Variants in RAPGEF3 observed in about 807,000 individuals in gnomAD.
RAPGEF3 encodes the protein 9330170P05Rik.
Under a neutral mutation model 129.8 loss-of-function variants are expected in RAPGEF3, and 103 were observed. The ratio of observed to expected loss-of-function variants is 0.79; its 90% CI spans 0.68 to 0.93. The LOEUF (loss-of-function observed/expected upper bound fraction) is 0.93, where lower values mean the gene tolerates loss of function less well. Ranked by LOEUF, RAPGEF3 falls within the 40% of genes least tolerant of loss-of-function variation. The pLI, the probability that RAPGEF3 is intolerant of heterozygous loss-of-function variation, is 0.00. For synonymous variants in RAPGEF3, 436 were observed against 482.6 expected, an observed-to-expected ratio of 0.90 and a Z score of 1.26; for missense variants, 1,117 against 1,207.4, an observed-to-expected ratio of 0.93 and a Z score of 1.11.
rs759509000 is a variant in RAPGEF3 at position 47,740,099 on chromosome 12, C to G, written c.2373+42G>C. On this transcript the variant is annotated intron_variant, in intron 23 of 27. Coordinates refer to ENST00000449771, the MANE Select transcript of RAPGEF3 (RefSeq NM_001098531.4). ...GTCTGGAGGGCAGGGCCGAGCCCAG[C>G]TGATCCTAGCAGAGCCAGGCCGGGC... 4 of 1,596,962 alleles carry G rather than the reference C, an allele frequency of 2.5e-6. No homozygotes were observed. The East Asian group carries it at 6.7e-5, about 27-fold the overall frequency.
chr12:47,740,293 G>A lies in RAPGEF3; in HGVS notation c.2322+12C>T, dbSNP rs1422704661. On this transcript the variant is annotated intron_variant, in intron 22 of 27. Transcript: ENST00000449771. ...CCTGACCTCAGGAGGGGGCCCTCCA[G>A]ACCACACTTACCTCCCAGGTGTGGG... The A allele has an allele frequency of 4.3e-6, 7 of 1,613,838 alleles. No individual in the cohort carries two copies. Among genetic ancestry groups the A allele is most frequent in the Non-Finnish European group, 5.1e-6 (6 of 1,179,878 alleles).
In RAPGEF3 at chr12:47,747,800, C is replaced by T. The variant is rs749232919; in HGVS notation, c.1385G>A (p.Arg462Lys). 6 of 1,607,680 alleles carry T rather than the reference C, an allele frequency of 3.7e-6. No homozygotes were observed. Among genetic ancestry groups the T allele is most frequent in the Middle Eastern group, 1.7e-4 (1 of 6,052 alleles). Residue 462 changes from arginine to lysine, a missense_variant, in exon 14 of 28, where the codon AGG becomes AAG. Around this residue, in one of 3 missense-constraint regions of RAPGEF3, gnomAD observed 643 missense variants for 673.4 expected, o/e 0.95. Coordinates refer to ENST00000449771, the MANE Select transcript of RAPGEF3 (RefSeq NM_001098531.4). The part of the protein sequence containing the change: ...QERSTYVCNK[R>K]QQILRLVSQW... The stretch of plus-strand genomic sequence containing the variant: ...GCTGACCAGCCGCAAGATCTGCTGC[C>T]TCTTGTTGCAGACGTAGGTGCTGCG...
intron 25 of RAPGEF3, 124 bp downstream of exon 25, chr12:47,738,564 AGT>A (rs1940940934): frequency 1.1e-6 from 1 of 899,920 alleles, no homozygotes; most frequent in African/African-American, 1.6e-5. Flanking sequence ...GCTATTACAC[AGT>A]AAGTATTCAT....
chr12:47,746,796 G>T, intron 16 of RAPGEF3, 64 bp downstream of exon 16: 1 of 1,491,928 alleles, frequency 6.7e-7, no homozygotes, highest in East Asian at 2.3e-5. Flanking sequence ...TCAGGGTCAG[G>T]GGGCGAAGGA....
chr12:47,742,926 T>G (rs1941241001), intron 18 of RAPGEF3, among the ~76,000 whole-genome samples: 1 of 152,216 alleles, frequency 6.6e-6, no homozygotes. Flanking sequence ...TCCTCAAAAA[T>G]GTTTGCTGAG....
chr12:47,750,492 C>T, intron 6 of RAPGEF3, 67 bp from the exon 7 acceptor site: 3 of 1,422,686 alleles, frequency 2.1e-6, no homozygotes, highest in Non-Finnish European at 2.9e-6. Flanking sequence ...GGAGCCACTC[C>T]ACCCACCCAG....
chr12:47,749,300 T>C lies in RAPGEF3; in HGVS notation c.1041+90A>G. The C allele has an allele frequency of 9.0e-7, 1 of 1,111,578 alleles. No individual in the cohort carries two copies. Among genetic ancestry groups the C allele is most frequent in the Non-Finnish European group, 1.3e-6 (1 of 774,886 alleles). The allele number at this position is 1,111,578 out of a possible 1,614,324, so 68.9% of individuals were successfully genotyped here. A position where few individuals can be genotyped will look rare whatever the true frequency, so the allele number is the denominator to read the frequency against. Reference sequence around the variant, plus strand: ...AGCATCTCTTACCTGCCCTGCTTCTTACAGGCCCTCTGCTCTGGTCCCTAC... The same window carrying C: ...AGCATCTCTTACCTGCCCTGCTTCTCACAGGCCCTCTGCTCTGGTCCCTAC... On this transcript the variant is annotated intron_variant, in intron 10 of 27. Transcript: ENST00000449771. This position sits in a 1 kb window ranked among gnomAD's most constrained non-coding sequence, Gnocchi z 4.5.
Position 47,749,168 on chromosome 12 carries a change from C to T in RAPGEF3, c.1041+222G>A. 1.5e-6 allele frequency: 1 copy of T among 657,790 alleles called. No homozygotes were observed. The highest frequency in any genetic ancestry group is 2.6e-5 in the Admixed American group (1 of 38,944). 40.7% of individuals were successfully genotyped at this position (657,790 alleles called of 1,614,324 possible). ...TGCCCATCCTTCCCCTGGTCTCCCACACTGAGCCTGAAGTCACTGGTCTCA... is the reference window on the plus strand; with the variant it reads ...TGCCCATCCTTCCCCTGGTCTCCCATACTGAGCCTGAAGTCACTGGTCTCA... On this transcript the variant is annotated intron_variant, in intron 10 of 27. Transcript: ENST00000449771. The surrounding 1 kb of genome is among the most constrained non-coding windows in gnomAD (Gnocchi z 4.5).
intron 18 of RAPGEF3, among the ~76,000 whole-genome samples, chr12:47,742,526 C>T (rs1377628850): frequency 1.3e-5 from 2 of 152,184 alleles, no homozygotes; most frequent in Non-Finnish European, 2.9e-5. Flanking sequence ...CTTGTCTGCC[C>T]TGGGTTCCAG....
chr12:47,748,943 G>C lies in RAPGEF3; in HGVS notation c.1042-12C>G. On this transcript the variant is annotated splice_polypyrimidine_tract_variant and intron_variant, in intron 10 of 27. Transcript: ENST00000449771. ...TTTGCCTCCACATCCTGGAGAACAG[G>C]CCACATCCCATGCTCAACTCATGAT... 1 of 1,591,444 alleles carries C rather than the reference G, an allele frequency of 6.3e-7. No homozygotes were observed. The highest frequency in any genetic ancestry group is 1.3e-5 in the African/African-American group (1 of 74,488).
intron 23 of RAPGEF3, 112 bp from the exon 24 acceptor site, chr12:47,739,342 C>A (rs908021947): frequency 2.4e-5 from 20 of 831,146 alleles, no homozygotes; most frequent in Admixed American, 2.0e-4. Context: ...GAGGCCCCAA[C>A]TCAGCCTCTC....
In RAPGEF3 at chr12:47,751,032, A is replaced by C. The variant is rs1941708875; in HGVS notation, c.671+16T>G. 1 of 1,594,074 alleles carries C rather than the reference A, an allele frequency of 6.3e-7. No homozygotes were observed. ...TGTGAGGCCTGGGGTCACGGGGTGC[A>C]GGGATTCTGACTCACGGCTTTCGAA... is the stretch of plus-strand genomic sequence containing the variant. On this transcript the variant is annotated intron_variant, in intron 6 of 27. Transcript: ENST00000449771.
chr12:47,749,577 T>TGCCGCCCCC lies in RAPGEF3; in HGVS notation c.895-50_895-42dup, dbSNP rs763111558. On this transcript the variant is annotated intron_variant, in intron 9 of 27. Coordinates refer to ENST00000449771, the MANE Select transcript of RAPGEF3 (RefSeq NM_001098531.4). This position sits in a 1 kb window ranked among gnomAD's most constrained non-coding sequence, Gnocchi z 4.5. ...AGTCTCAGCCCGCCCCTGCCGCCCC[T>TGCCGCCCCC]GCCGCCCCCAGCTCTTGCCAGGACA... The TGCCGCCCCC allele has an allele frequency of 8.3e-6, 13 of 1,565,394 alleles. No homozygotes were observed. The highest frequency in any genetic ancestry group is 2.7e-5 in the African/African-American group (2 of 73,432).
intron 2 of RAPGEF3, among the ~76,000 whole-genome samples, chr12:47,754,270 A>T (rs1941924148): frequency 6.6e-6 from 1 of 152,250 alleles, no homozygotes; most frequent in South Asian, 2.1e-4. Flanking sequence ...ATAGGCACAG[A>T]CAGTAGAGGT....
intron 17 of RAPGEF3, 118 bp downstream of exon 17, chr12:47,743,869 A>G (rs1941288345): frequency 7.4e-7 from 1 of 1,351,848 alleles, no homozygotes; most frequent in Non-Finnish European, 1.0e-6. Flanking sequence ...CCTGAGGAGT[A>G]CAGCGTGCCA....
At chr12:47,743,475 G>T (rs1196009330) in intron 18 of RAPGEF3, 55 bp downstream of exon 18, 5 of 1,564,500 alleles carry the variant, frequency 3.2e-6, no homozygotes, top group Non-Finnish European at 3.5e-6. Flanking sequence ...GGGGGACCTG[G>T]GCGCAGATCC....
At chr12:47,738,547 G>T (rs773479987) in intron 25 of RAPGEF3, 143 bp downstream of exon 25, 65 of 814,084 alleles carry the variant, frequency 8.0e-5, no homozygotes, top group South Asian at 4.3e-4. Flanking sequence ...AGTGGAATAA[G>T]GCAGGGGCTA....
intron 17 of RAPGEF3, 93 bp from the exon 18 acceptor site, chr12:47,743,769 T>C: frequency 6.6e-7 from 1 of 1,515,094 alleles, no homozygotes; most frequent in Non-Finnish European, 9.0e-7. Flanking sequence ...GTGGGAGGGA[T>C]CCCCAAGAGG....
rs1941512675 is a variant in RAPGEF3, at chr12:47,747,856, A to G, written c.1329T>C (p.His443=). 3.7e-6 allele frequency: 6 copies of G among 1,603,180 alleles called. No individual in the cohort carries two copies. The highest frequency in any genetic ancestry group is 2.2e-5 in the East Asian group (1 of 44,870). ...QLCAALLHHF[H]VEPAGGSEQE... is the part of the protein sequence containing the mutation. ...GCTCGCTGCCACCCGCAGGCTCCAC[A>G]TGGAAGGTGGGCACCAGTCAAGGGA... The change falls in exon 14 of 28, where the codon CAT becomes CAC. Residue 443 remains histidine, a synonymous_variant. Coordinates refer to ENST00000449771, the MANE Select transcript of RAPGEF3 (RefSeq NM_001098531.4).
Sources: allele counts gnomAD v4.1 joint callset (sites outside exome capture counted in the v4.1 genomes callset), GRCh38; gene constraint gnomAD v4.1.1; regional missense constraint gnomAD v4.1.1; non-coding constraint Gnocchi (gnomAD v3.1); transcripts MANE v1.5; gene names NCBI Gene and HGNC (gene_info 2026-07-23, HGNC 2026-07-21).